NXF3: variants seen among roughly 807,000 people sequenced by gnomAD.
NXF3 encodes nuclear RNA export factor 3.
Under a neutral mutation model 48.4 loss-of-function variants are expected in NXF3, and 34 were observed. That is an observed-to-expected ratio of 0.70 (90% CI 0.53 to 0.93). The LOEUF (loss-of-function observed/expected upper bound fraction) is 0.93. Among genes scored for constraint, NXF3 ranks in the 40% least tolerant of loss-of-function variants. NXF3 has a pLI of 0.00. For synonymous variants in NXF3, 132 were observed against 145.7 expected (o/e 0.91, Z 0.68); for missense variants, 359 against 406.1 (o/e 0.88, Z 1.00).
chrX:103,083,231 G>A lies in NXF3; in HGVS notation c.583C>T (p.His195Tyr), dbSNP rs1922059710. The change falls in exon 6 of 20, where the codon CAC (histidine) becomes TAC (tyrosine). Residue 195 changes from histidine (H) to tyrosine (Y), a missense_variant. His to Tyr is a moderately conservative substitution (Grantham distance 83). Transcript: ENST00000395065. ...ACCTTTTCTGACTTCAGCTCCCTGT[G>A]CACAAAGTGGGGTATGCCAGCAGGG... Reference protein sequence around the residue: ...VNPAGIPHFVHRELKSEKVEQ... With the variant: ...VNPAGIPHFVYRELKSEKVEQ... The A allele has an allele frequency of 8.3e-7, 1 of 1,211,187 alleles. No individual in the cohort carries two copies. Among genetic ancestry groups the A allele is most frequent in the South Asian group, 1.8e-5 (1 of 56,925 alleles).
At chrX:103,077,806 A>G (rs1921910189) in intron 17 of NXF3, 60 bp from the exon 18 acceptor site, 7 of 1,167,461 alleles carry the variant, frequency 6.0e-6, no homozygotes, top group Non-Finnish European at 7.0e-6. Flanking sequence ...ACCCGCTACA[A>G]GGATCTTTTT....
At chrX:103,082,485 C>A in intron 8 of NXF3, 121 bp from the exon 9 acceptor site, 1 of 495,835 alleles carries the variant, frequency 2.0e-6, no homozygotes, top group Non-Finnish European at 3.5e-6. Flanking sequence ...CCCTAATGAA[C>A]CCTCCTCCCC....
At chrX:103,077,784 G>C (rs1330145037) in intron 17 of NXF3, 38 bp from the exon 18 acceptor site, 1 of 1,199,185 alleles carries the variant, frequency 8.3e-7, no homozygotes, top group South Asian at 1.8e-5. Flanking sequence ...CCGGAGAGAA[G>C]GACACCTCCC....
rs1258838806 is a variant in NXF3 at position 103,093,082 on chromosome X, G to C, written c.-59C>G. 1 of 1,082,786 alleles carries C rather than the reference G, an allele frequency of 9.2e-7. No individual in the cohort carries two copies. Among genetic ancestry groups the C allele is most frequent in the Non-Finnish European group, 1.3e-6 (1 of 782,270 alleles). 89.2% of individuals were successfully genotyped at this position (1,082,786 alleles called of 1,213,427 possible). A position where few individuals can be genotyped will look rare whatever the true frequency, so the allele number is the denominator to read the frequency against. ...GAATCTGTGTGGCCTGGGGACGGGA[G>C]TTTGGAGAAGATTGAGGAGGGCTGC... On this transcript the variant is annotated 5_prime_UTR_variant, in exon 1 of 20. Transcript: ENST00000395065.
At chrX:103,083,721 A>C (rs1922077832) in intron 3 of NXF3, 29 bp from the exon 4 acceptor site, 1 of 1,074,653 alleles carries the variant, frequency 9.3e-7, no homozygotes, top group Non-Finnish European at 1.3e-6. Flanking sequence ...ATGAGTGAGG[A>C]AAGGAGACTG....
Position 103,084,866 on chromosome X carries a change from C to T in NXF3, c.46G>A (p.Val16Ile). 8.3e-7 allele frequency: 1 copy of T among 1,211,170 alleles called. No individual in the cohort carries two copies. The highest frequency in any genetic ancestry group is 1.8e-5 in the South Asian group (1 of 56,941). Residue 16 changes from valine (V) to isoleucine (I), a missense_variant, in exon 2 of 20, where the codon GTT becomes ATT. Val to Ile is a conservative substitution (Grantham distance 29, BLOSUM62 3). Coordinates refer to ENST00000395065, the MANE Select transcript of NXF3 (RefSeq NM_022052.2). ...GHTTGHTDQV[V>I]QRRARCWDIY... ...TCCCAACATCTTGCTCTTCTTTGAA[C>T]AACTTGATCAGTGTGACCTTAAATT...
At chrX:103,080,102 AC>A (rs774340410) in intron 11 of NXF3, 34 bp from the exon 12 acceptor site, 13 of 1,204,725 alleles carry the variant, frequency 1.1e-5, no homozygotes, top group Admixed American at 6.6e-5. Context: ...CACAGATGGT[AC>A]CCCCCCTTCC....
intron 17 of NXF3, among the ~76,000 whole-genome samples, chrX:103,078,331 GC>G (rs1424414688): frequency 8.9e-6 from 1 of 111,825 alleles, no homozygotes; most frequent in Non-Finnish European, 1.9e-5. Flanking sequence ...TCACTGTGTT[GC>G]CTAGGCTGGT....
At chrX:103,079,502 TG>T (rs755727095) in intron 14 of NXF3, 28 bp from the exon 15 acceptor site, 2 of 1,192,295 alleles carry the variant, frequency 1.7e-6, no homozygotes, top group Admixed American at 2.2e-5. Flanking sequence ...AGCAAGGATT[TG>T]GGGGGCTGCC....
chrX:103,084,290 A>T (rs1353364025), intron 3 of NXF3, 52 bp downstream of exon 3: 1 of 1,188,406 alleles, frequency 8.4e-7, no homozygotes, highest in East Asian at 3.0e-5. Flanking sequence ...ATCCAACACA[A>T]TTCCCCCTGT....
At chrX:103,078,676 T>C (rs1488946419) in intron 16 of NXF3, 44 bp from the exon 17 acceptor site, 1 of 1,207,625 alleles carries the variant, frequency 8.3e-7, no homozygotes, top group Non-Finnish European at 1.1e-6. Flanking sequence ...TGCACAGGCT[T>C]TACGTGCTCA....
intron 1 of NXF3, among the ~76,000 whole-genome samples, chrX:103,092,722 G>A (rs181319663): frequency 8.9e-5 from 10 of 112,517 alleles, no homozygotes; most frequent in African/African-American, 3.2e-4. Context: ...TTAGTGTGAA[G>A]ATTAAAGATG....
chrX:103,082,048 C>A (rs2147592679), intron 9 of NXF3: 1 of 429,295 alleles, frequency 2.3e-6, no homozygotes, highest in Non-Finnish European at 4.2e-6. Context: ...GGAAACACAT[C>A]CCAGAGCGGG....
chrX:103,077,243 CTTT>C lies in NXF3; in HGVS notation c.1584+368_1584+370del, dbSNP rs34811257. Among the ~76,000 whole-genome samples, 657 of 62,559 alleles carry C rather than the reference CTTT, an allele frequency of 0.011. 41 individuals carry two copies. The East Asian group carries it at 0.13, about 12-fold the overall frequency. The allele number at this position is 62,559 out of a possible 115,157, so 54.3% of individuals were successfully genotyped here. A position where few individuals can be genotyped will look rare whatever the true frequency, so the allele number is the denominator to read the frequency against. Reference sequence around the variant, plus strand: ...CACCATACACACCCAGCACTCACTTCTTTTTTTTTTTTTTTTTTTTTTTCCGAG... The same window carrying C: ...CACCATACACACCCAGCACTCACTTCTTTTTTTTTTTTTTTTTTTTCCGAG... On this transcript the variant is annotated intron_variant, in intron 18 of 19. Coordinates refer to ENST00000395065, the MANE Select transcript of NXF3 (RefSeq NM_022052.2).
chrX:103,078,418 C>T, intron 17 of NXF3, 142 bp downstream of exon 17: 1 of 878,984 alleles, frequency 1.1e-6, no homozygotes, highest in East Asian at 3.1e-5. Flanking sequence ...TGAGCCACTG[C>T]TCCTGGCCCA....
chrX:103,091,788 A>G (rs1307413781), intron 1 of NXF3, among the ~76,000 whole-genome samples: 1 of 110,016 alleles, frequency 9.1e-6, no homozygotes, highest in Non-Finnish European at 1.9e-5. Flanking sequence ...GATCGAGACC[A>G]TCCTGGCTAA....
chrX:103,089,912 CT>C (rs200600538), intron 1 of NXF3, among the ~76,000 whole-genome samples: 13 of 101,533 alleles, frequency 1.3e-4, no homozygotes, highest in South Asian at 4.3e-4. Flanking sequence ...TTTTTTTTTT[CT>C]TTTTTTTTTC....
chrX:103,084,919 C>T, intron 1 of NXF3, 36 bp from the exon 2 acceptor site: 1 of 1,140,944 alleles, frequency 8.8e-7, no homozygotes, highest in Non-Finnish European at 1.2e-6. Context: ...ACTTAGAATA[C>T]CAGAAAAAAA....
rs754777278 is a variant in NXF3, at chrX:103,079,401, C to T, written c.1293G>A (p.Gln431=). ...VDSLSALPKT[Q]HDLSSFLVDM... Reference sequence around the variant, plus strand: ...CCACCAGGAAGGAGCTGAGGTCATGCTGAGTTTTAGGCAACGCACTGAGGG... The same window carrying T: ...CCACCAGGAAGGAGCTGAGGTCATGTTGAGTTTTAGGCAACGCACTGAGGG... Residue 431 remains glutamine (Q), a synonymous_variant, in exon 15 of 20, where the codon CAG becomes CAA. Coordinates refer to ENST00000395065, the MANE Select transcript of NXF3 (RefSeq NM_022052.2). 2 of 1,211,645 alleles carry T rather than the reference C, an allele frequency of 1.7e-6. No individual in the cohort carries two copies. Among genetic ancestry groups the T allele is most frequent in the South Asian group, 3.5e-5 (2 of 56,987 alleles).
Sources: gnomAD v4.1 joint callset for allele counts (sites outside exome capture counted in the v4.1 genomes callset) on GRCh38, gnomAD v4.1.1 for gene constraint, MANE v1.5 for transcripts, NCBI Gene and HGNC (gene_info 2026-07-23, HGNC 2026-07-21) for gene names.